Variants in SLC30A8 observed in about 807,000 individuals in gnomAD.
The protein encoded by SLC30A8 is solute carrier family 30 member 8, also known as proton-coupled zinc antiporter SLC30A8.
A neutral mutation model predicts 36.9 loss-of-function variants in SLC30A8; 27 were observed. The observed-to-expected ratio is 0.73, with a 90% CI of 0.54 to 1.01. The LOEUF is 1.01. Among genes scored for constraint, SLC30A8 ranks in the 50% least tolerant of loss-of-function variants. The probability of loss-of-function intolerance (pLI) is 0.00; values close to 1 mark genes in which losing one functional copy is unlikely to be tolerated. For synonymous variants in SLC30A8, 164 were observed against 172.4 expected (o/e 0.95, Z 0.38); for missense variants, 439 against 452.0 (o/e 0.97, Z 0.26).
chr8:117,094,255 G>A (rs989824430), intron 2 of SLC30A8, among the ~76,000 whole-genome samples: 1 of 152,238 alleles, frequency 6.6e-6, no homozygotes, highest in Non-Finnish European at 1.5e-5. Context: ...CATTTGGCAG[G>A]TCCCGAGTTC....
chr8:117,017,523 G>C (rs1816557590), intron 1 of SLC30A8, among the ~76,000 whole-genome samples: 1 of 152,180 alleles, frequency 6.6e-6, no homozygotes, highest in Non-Finnish European at 1.5e-5. Flanking sequence ...TAGAAGCAAG[G>C]CACCAGCCAA....
chr8:117,003,241 T>A (rs1284674362), intron 1 of SLC30A8, among the ~76,000 whole-genome samples: 1 of 152,154 alleles, frequency 6.6e-6, no homozygotes, highest in Non-Finnish European at 1.5e-5. Flanking sequence ...AGAGCCTATA[T>A]GGTTAATCAA....
intron 1 of SLC30A8, among the ~76,000 whole-genome samples, chr8:116,989,201 C>G (rs1277840101): frequency 6.6e-6 from 1 of 152,104 alleles, no homozygotes; most frequent in Non-Finnish European, 1.5e-5. Context: ...ACTGTTGAGT[C>G]AAAGCTAAAA....
chr8:116,966,801 TA>T (rs1814615459), intron 1 of SLC30A8, among the ~76,000 whole-genome samples: 1 of 152,150 alleles, frequency 6.6e-6, no homozygotes, highest in Non-Finnish European at 1.5e-5. Context: ...GTTACTCAGG[TA>T]TAAAACAAAA....
At chr8:117,005,767 C>A (rs1292527787) in intron 1 of SLC30A8, among the ~76,000 whole-genome samples, 2 of 152,110 alleles carry the variant, frequency 1.3e-5, no homozygotes, top group African/African-American at 4.8e-5. Context: ...TTTGACAGAT[C>A]CTCATTTATG....
intron 4 of SLC30A8, among the ~76,000 whole-genome samples, chr8:117,158,823 A>G (rs911822861): frequency 6.6e-6 from 1 of 152,196 alleles, no homozygotes; most frequent in Admixed American, 6.5e-5. Context: ...GTGTTGGTGG[A>G]CAGAATAATG....
At chr8:117,066,293 G>T (rs1400234288) in intron 2 of SLC30A8, among the ~76,000 whole-genome samples, 1 of 152,146 alleles carries the variant, frequency 6.6e-6, no homozygotes, top group Non-Finnish European at 1.5e-5. Context: ...AGTCCAAGGA[G>T]GCTCTCACTC....
At chr8:117,060,612 C>G (rs1053697181) in intron 2 of SLC30A8, among the ~76,000 whole-genome samples, 1 of 152,154 alleles carries the variant, frequency 6.6e-6, no homozygotes, top group Non-Finnish European at 1.5e-5. Flanking sequence ...TCCCAATGTG[C>G]TCTATAAAGA....
chr8:117,023,578 G>A (rs1290975844), intron 1 of SLC30A8, among the ~76,000 whole-genome samples: 1 of 152,062 alleles, frequency 6.6e-6, no homozygotes, highest in Non-Finnish European at 1.5e-5. Context: ...GTAGGGACAT[G>A]GATGAAGCTG....
chr8:117,124,439 G>A lies in SLC30A8; in HGVS notation c.-225-10841G>A, dbSNP rs116494217. The stretch of plus-strand genomic sequence containing the variant: ...ATTCATTGTTACTATTCCTGCACCC[G>A]GGCTCATGCAGGCTCAGTTTCCACA... On this transcript the variant is annotated intron_variant, in intron 2 of 10. Transcript: ENST00000427715. Among the ~76,000 whole-genome samples the A allele has an allele frequency of 6.5e-3, 989 of 151,846 alleles. 13 individuals carry two copies. The highest frequency in any genetic ancestry group is 0.023 in the African/African-American group (940 of 41,442).
chr8:117,118,072 G>C (rs1820528619), intron 2 of SLC30A8, among the ~76,000 whole-genome samples: 1 of 150,242 alleles, frequency 6.7e-6, no homozygotes, highest in South Asian at 2.1e-4. Flanking sequence ...AAAATTGTGT[G>C]ATTACTCTTG....
At chr8:117,133,103 A>G (rs1041472402), upstream of SLC30A8, among the ~76,000 whole-genome samples, 7 of 152,044 alleles carry the variant, frequency 4.6e-5, no homozygotes, top group East Asian at 1.4e-3. Context: ...GTATCTATAT[A>G]TGTGTGCATG....
intron 1 of SLC30A8, among the ~76,000 whole-genome samples, chr8:116,959,640 A>G (rs1209903905): frequency 6.6e-6 from 1 of 151,996 alleles, no homozygotes; most frequent in Admixed American, 6.6e-5. Context: ...TGCTTTTCAT[A>G]GTTGTTAGAT....
intron 1 of SLC30A8, among the ~76,000 whole-genome samples, chr8:116,974,046 G>T (rs1269811937): frequency 6.6e-6 from 1 of 152,154 alleles, no homozygotes; most frequent in East Asian, 1.9e-4. Flanking sequence ...ATTCAAGATG[G>T]ATGAAAGACT....
chr8:117,117,820 C>T (rs1820511697), intron 2 of SLC30A8, among the ~76,000 whole-genome samples: 1 of 151,910 alleles, frequency 6.6e-6, no homozygotes, highest in Non-Finnish European at 1.5e-5. Flanking sequence ...TCCATTCAGA[C>T]TAAATATTTG....
intron 2 of SLC30A8, among the ~76,000 whole-genome samples, chr8:117,068,140 G>C (rs575402973): frequency 7.9e-4 from 120 of 152,306 alleles, no homozygotes; most frequent in African/African-American, 2.6e-3. Context: ...AGTGATTGAA[G>C]TCTGAATTCT....
At position 117,167,154 on chromosome 8, in the gene SLC30A8, C is replaced by T. The variant is rs147765125; in HGVS notation, c.829+3624C>T. On this transcript the variant is annotated intron_variant, in intron 6 of 7. Coordinates refer to ENST00000456015, the MANE Select transcript of SLC30A8 (RefSeq NM_173851.3). ...GTACAATTTGAAATGACTTATATTC[C>T]GCTTTTCTTTGTGTGTCTCGCTATA... is the stretch of plus-strand genomic sequence containing the variant. Among the ~76,000 whole-genome samples, 168 of 152,030 alleles carry T rather than the reference C, an allele frequency of 1.1e-3. 2 individuals carry two copies. Among genetic ancestry groups the T allele is most frequent in the African/African-American group, 3.5e-3 (145 of 41,508 alleles).
At chr8:117,034,867 G>C (rs1324322873) in intron 1 of SLC30A8, among the ~76,000 whole-genome samples, 1 of 152,170 alleles carries the variant, frequency 6.6e-6, no homozygotes, top group African/African-American at 2.4e-5. Flanking sequence ...GTGAGAGACA[G>C]AGAAAGAAAC....
chr8:117,157,650 G>A (rs1300000504), intron 3 of SLC30A8, 41 bp from the exon 4 acceptor site: 1 of 1,609,300 alleles, frequency 6.2e-7, no homozygotes, highest in Non-Finnish European at 8.5e-7. Flanking sequence ...AGGTGATGGA[G>A]TTATCTGTGT....
Sources: allele counts gnomAD v4.1 joint callset (sites outside exome capture counted in the v4.1 genomes callset), GRCh38; gene constraint gnomAD v4.1.1; transcripts MANE v1.5; gene names NCBI Gene and HGNC (gene_info 2026-07-23, HGNC 2026-07-21).